Variants in ETV6 observed in about 807,000 individuals in gnomAD.
The protein encoded by ETV6 is ETS variant transcription factor 6.
Under a neutral mutation model 51.1 loss-of-function variants are expected in ETV6, and 16 were observed. The ratio of observed to expected loss-of-function variants is 0.31; its 90% CI spans 0.21 to 0.48. The LOEUF (loss-of-function observed/expected upper bound fraction) is 0.48. Among genes scored for constraint, ETV6 ranks in the 20% least tolerant of loss-of-function variants. The pLI is 0.99. For synonymous variants in ETV6, 240 were observed against 224.1 expected, an observed-to-expected ratio of 1.07 and a Z score of -0.64; for missense variants, 458 against 594.8, an observed-to-expected ratio of 0.77 and a Z score of 2.39.
At chr12:11,890,345 G>C (rs1947267755) in intron 7 of ETV6, among the ~76,000 whole-genome samples, 1 of 151,782 alleles carries the variant, frequency 6.6e-6, no homozygotes, top group Non-Finnish European at 1.5e-5. Flanking sequence ...TACATGGTCT[G>C]GACCAAGGCT....
chr12:11,696,595 A>C (rs1864883088), intron 1 of ETV6, among the ~76,000 whole-genome samples: 1 of 152,194 alleles, frequency 6.6e-6, no homozygotes, highest in African/African-American at 2.4e-5. Context: ...AGGCAAGAGG[A>C]TCACTTGAGT....
intron 1 of ETV6, among the ~76,000 whole-genome samples, chr12:11,702,560 C>T (rs191381489): frequency 3.4e-5 from 5 of 149,056 alleles, no homozygotes; most frequent in Admixed American, 2.0e-4. Flanking sequence ...GGAGAAGTAT[C>T]CCCCCCATCC....
chr12:11,678,677 T>G (rs1366844139), intron 1 of ETV6, among the ~76,000 whole-genome samples: 1 of 152,196 alleles, frequency 6.6e-6, no homozygotes, highest in African/African-American at 2.4e-5. Flanking sequence ...CTCACGTGAT[T>G]ATGGAGACTG....
At position 11,843,397 on chromosome 12, in the gene ETV6, C is replaced by T. The variant is rs191870920; in HGVS notation, c.328+4093C>T. ...GTTTGGTGTAGTGAAAGTCCTCAGG[C>T]CTGGCTTCTTTCTACACCTGGCCCT... On this transcript the variant is annotated intron_variant, in intron 3 of 7. Transcript: ENST00000396373. 2.0e-5 allele frequency among the ~76,000 whole-genome samples: 3 copies of T among 152,298 alleles called. No homozygotes were observed. In the East Asian group the frequency reaches 5.8e-4, roughly 29 times the overall value.
intron 2 of ETV6, among the ~76,000 whole-genome samples, chr12:11,792,431 G>A (rs1945613299): frequency 6.6e-6 from 1 of 152,228 alleles, no homozygotes; most frequent in Admixed American, 6.5e-5. Flanking sequence ...GCTCACGCCT[G>A]TAATCTCAGC....
intron 1 of ETV6, among the ~76,000 whole-genome samples, chr12:11,699,100 C>A (rs2120828576): frequency 6.6e-6 from 1 of 152,294 alleles, no homozygotes; most frequent in African/African-American, 2.4e-5. Context: ...TGCAATATTG[C>A]AAAGGGATAA....
In ETV6 at chr12:11,741,348, G is replaced by C. The variant is rs74351240; in HGVS notation, c.34-11102G>C. ...TCTCTCCATTCTCCAGCATGAGAAAGTGGTCTGGAGCTTGATCACATGAAG... is the reference window on the plus strand; with the variant it reads ...TCTCTCCATTCTCCAGCATGAGAAACTGGTCTGGAGCTTGATCACATGAAG... On this transcript the variant is annotated intron_variant, in intron 1 of 7. Transcript: ENST00000396373. 6.7e-3 allele frequency among the ~76,000 whole-genome samples: 1,014 copies of C among 152,336 alleles called. 11 individuals are homozygous for C. Among genetic ancestry groups the C allele is most frequent in the African/African-American group, 0.023 (960 of 41,568 alleles).
intron 5 of ETV6, among the ~76,000 whole-genome samples, chr12:11,884,122 G>A (rs528158524): frequency 1.3e-5 from 2 of 152,260 alleles, no homozygotes; most frequent in South Asian, 4.1e-4. Flanking sequence ...GTTAGAACTT[G>A]CCTCCCGTCT....
At chr12:11,777,225 G>A in intron 2 of ETV6, among the ~76,000 whole-genome samples, 1 of 121,350 alleles carries the variant, frequency 8.2e-6, no homozygotes, top group Non-Finnish European at 1.7e-5. Flanking sequence ...GGGTGACAGA[G>A]TGAGACTCCG....
intron 2 of ETV6, among the ~76,000 whole-genome samples, chr12:11,808,890 G>A (rs1367841799): frequency 6.6e-6 from 1 of 152,226 alleles, no homozygotes; most frequent in Non-Finnish European, 1.5e-5. Flanking sequence ...AGGGCCATGT[G>A]TGGTGGCTCA....
At chr12:11,829,240 T>C (rs1251614673) in intron 2 of ETV6, among the ~76,000 whole-genome samples, 5 of 152,144 alleles carry the variant, frequency 3.3e-5, no homozygotes, top group Non-Finnish European at 7.4e-5. Context: ...GTACAACTCA[T>C]CTACTATCCA....
At chr12:11,862,789 T>C (rs529066019) in intron 4 of ETV6, among the ~76,000 whole-genome samples, 4 of 152,308 alleles carry the variant, frequency 2.6e-5, no homozygotes, top group Non-Finnish European at 2.9e-5. Context: ...CTTCAACTTA[T>C]GAATTTTGGG....
chr12:11,712,805 C>T (rs910636525), intron 1 of ETV6, among the ~76,000 whole-genome samples: 5 of 152,182 alleles, frequency 3.3e-5, no homozygotes, highest in African/African-American at 7.2e-5. Flanking sequence ...ATCGGTGCCA[C>T]GTCCTAGTCA....
At chr12:11,776,814 C>A (rs1351916604) in intron 2 of ETV6, among the ~76,000 whole-genome samples, 1 of 152,200 alleles carries the variant, frequency 6.6e-6, no homozygotes, top group African/African-American at 2.4e-5. Context: ...ATAACCCATC[C>A]CTAGGGAACA....
intron 6 of ETV6, 29 bp downstream of exon 6, chr12:11,884,616 A>G (rs1450660572): frequency 1.2e-6 from 2 of 1,612,392 alleles, no homozygotes; most frequent in Admixed American, 1.7e-5. Context: ...TCTGCTCCAT[A>G]AACTAGTGCC....
rs765265003 is a variant in ETV6, at chr12:11,853,447, C to T, written c.349C>T (p.Leu117Phe). 9.4e-5 allele frequency: 151 copies of T among 1,614,096 alleles called. No individual in the cohort carries two copies. Among genetic ancestry groups the T allele is most frequent in the Non-Finnish European group, 1.3e-4 (149 of 1,180,050 alleles). ...TCCAGGTGATGTGCTCTATGAACTC[C>T]TTCAGCATATTCTGAAGCAGAGGAA... The part of the protein sequence containing the change: ...PHSGDVLYEL[L>F]QHILKQRKPR... Residue 117 changes from leucine (L) to phenylalanine (F), a missense_variant, in exon 4 of 8, where the codon CTT becomes TTT. Physicochemically the swap from Leu to Phe is conservative, Grantham distance 22. Coordinates refer to ENST00000396373, the MANE Select transcript of ETV6 (RefSeq NM_001987.5).
intron 2 of ETV6, among the ~76,000 whole-genome samples, chr12:11,834,766 A>G (rs1565544422): frequency 6.6e-6 from 1 of 152,376 alleles, no homozygotes; most frequent in East Asian, 1.9e-4. Context: ...TTCTGTAGAA[A>G]AAGATCCTGG....
chr12:11,707,856 C>G (rs1219122541), intron 1 of ETV6, among the ~76,000 whole-genome samples: 1 of 152,186 alleles, frequency 6.6e-6, no homozygotes, highest in Non-Finnish European at 1.5e-5. Flanking sequence ...CCATATTTAC[C>G]TGTTAACTGA....
chr12:11,697,699 G>C (rs1234624260), intron 1 of ETV6, among the ~76,000 whole-genome samples: 1 of 152,212 alleles, frequency 6.6e-6, no homozygotes, highest in Non-Finnish European at 1.5e-5. Flanking sequence ...TCTGAGTAGT[G>C]TAGCATATCC....
Sources: allele counts gnomAD v4.1 joint callset (sites outside exome capture counted in the v4.1 genomes callset), GRCh38; gene constraint gnomAD v4.1.1; transcripts MANE v1.5; gene names NCBI Gene and HGNC (gene_info 2026-07-23, HGNC 2026-07-21).